Variants in BMPR2 observed in about 807,000 individuals in gnomAD.
BMPR2 encodes bone morphogenetic protein receptor type-2.
In BMPR2, 29 loss-of-function variants were observed where a neutral mutation model predicts 100.8. The ratio of observed to expected loss-of-function variants is 0.29; its 90% CI spans 0.21 to 0.39. BMPR2 has a LOEUF of 0.39. BMPR2 is among the 10% of genes least tolerant of loss of function. The pLI, the probability that BMPR2 is intolerant of heterozygous loss-of-function variation, is 1.00. For missense variants in BMPR2, 1,011 were observed against 1,274.5 expected (o/e 0.79, Z 3.15); for synonymous variants, 382 against 442.3 (o/e 0.86, Z 1.71).
chr2:202,469,475 T>C (rs1441220980), intron 3 of BMPR2: 2 of 308,438 alleles, frequency 6.5e-6, no homozygotes, highest in East Asian at 1.1e-4. Flanking sequence ...ATTTTATTTT[T>C]ATTTTATTTA....
At chr2:202,552,464 C>T (rs896105474) in intron 10 of BMPR2, among the ~76,000 whole-genome samples, 2 of 152,214 alleles carry the variant, frequency 1.3e-5, no homozygotes, top group African/African-American at 4.8e-5. Flanking sequence ...CTTGAAGAAA[C>T]ATCTACGACT....
In BMPR2 at chr2:202,555,570, A is replaced by G. The variant is rs769829997; in HGVS notation, c.1905A>G (p.Pro635=). The G allele has an allele frequency of 1.9e-6, 3 of 1,614,184 alleles. No homozygotes were observed. The highest frequency in any genetic ancestry group is 1.7e-6 in the Non-Finnish European group (2 of 1,180,040). The change falls in exon 12 of 13, where the codon CCA becomes CCG. Residue 635 remains proline, a synonymous_variant. Coordinates refer to ENST00000374580, the MANE Select transcript of BMPR2 (RefSeq NM_001204.7). ...CTACTATATCTGAGATGCCATACCC[A>G]GATGAAACAAATCTGCATACCACAA... is the stretch of plus-strand genomic sequence containing the variant. ...GMTTISEMPY[P]DETNLHTTNV... is the part of the protein sequence containing the mutation.
At chr2:202,476,753 C>T (rs1209499641) in intron 3 of BMPR2, among the ~76,000 whole-genome samples, 1 of 152,128 alleles carries the variant, frequency 6.6e-6, no homozygotes, top group Non-Finnish European at 1.5e-5. Context: ...TGCGCCATTG[C>T]ACTCCAGCCT....
Position 202,552,706 on chromosome 2 carries a change from T to C in BMPR2, c.1414-10T>C, listed in dbSNP as rs374470677. ...AAGACACATGGTTTGACATGTACTT[T>C]GTCTTACAGGCAGTGAGGTCACTCA... On this transcript the variant is annotated splice_polypyrimidine_tract_variant and intron_variant, in intron 10 of 12. Transcript: ENST00000374580. 3 of 1,613,934 alleles carry C rather than the reference T, an allele frequency of 1.9e-6. No homozygotes were observed. In the African/African-American group the frequency reaches 4.0e-5, roughly 22 times the overall value.
Position 202,503,200 on chromosome 2 carries a change from G to A in BMPR2, c.419-10519G>A, listed in dbSNP as rs570281560. Among the ~76,000 whole-genome samples, 1 of 152,344 alleles carries A rather than the reference G, an allele frequency of 6.6e-6. No individual in the cohort carries two copies. The highest frequency in any genetic ancestry group is 2.1e-4 in the South Asian group (1 of 4,822). ...ATTTGGGGTGTCCTGTTTAGAGGGG[G>A]GATTGAGAGGTAACAGCGTGCTGGC... On this transcript the variant is annotated intron_variant, in intron 3 of 12. Transcript: ENST00000374580. This position sits in a 1 kb window ranked among gnomAD's most constrained non-coding sequence, Gnocchi z 4.0.
intron 12 of BMPR2, among the ~76,000 whole-genome samples, chr2:202,558,270 G>A (rs1186075166): frequency 1.3e-5 from 2 of 152,036 alleles, no homozygotes; most frequent in African/African-American, 4.8e-5. Context: ...GTGCCACCAT[G>A]CCCTGCTAAT....
Position 202,555,675 on chromosome 2 carries a change from A to G in BMPR2, c.2010A>G (p.Pro670=). 1 of 1,614,088 alleles carries G rather than the reference A, an allele frequency of 6.2e-7. No individual in the cohort carries two copies. Among genetic ancestry groups the G allele is most frequent in the Non-Finnish European group, 8.5e-7 (1 of 1,180,028 alleles). Residue 670 remains proline, a synonymous_variant, in exon 12 of 13, where the codon CCA becomes CCG. Coordinates refer to ENST00000374580, the MANE Select transcript of BMPR2 (RefSeq NM_001204.7). Reference sequence around the variant, plus strand: ...ACTTGGAAACCAACAAGCTAGACCCAAAAGAAGTTGATAAGAACCTCAAGG... The same window carrying G: ...ACTTGGAAACCAACAAGCTAGACCCGAAAGAAGTTGATAAGAACCTCAAGG... ...EEDLETNKLD[P]KEVDKNLKES...
rs764080362 is a variant in BMPR2, at chr2:202,492,269, A to G, written c.419-21450A>G. Among the ~76,000 whole-genome samples, 6 of 152,102 alleles carry G rather than the reference A, an allele frequency of 3.9e-5. No homozygotes were observed. In the East Asian group the frequency reaches 7.7e-4, roughly 20 times the overall value. On this transcript the variant is annotated intron_variant, in intron 3 of 12. Coordinates refer to ENST00000374580, the MANE Select transcript of BMPR2 (RefSeq NM_001204.7). ...ATTTTGTGGCCTTGGTGCTAGTTAC[A>G]TAAGTGTTTGCTTCATCATGATTCA...
At chr2:202,383,969 T>C (rs1246503482) in intron 1 of BMPR2, among the ~76,000 whole-genome samples, 2 of 151,938 alleles carry the variant, frequency 1.3e-5, no homozygotes, top group East Asian at 3.9e-4. Context: ...GTTAGGAGTT[T>C]GAGACCAGCC....
rs560263533 is a variant in BMPR2, at chr2:202,514,684, T to A, written c.530-204T>A. Among the ~76,000 whole-genome samples the A allele has an allele frequency of 9.2e-5, 14 of 152,344 alleles. 1 individual carries two copies. The South Asian group carries it at 2.9e-3, about 32-fold the overall frequency. ...CATCATGGGAGTGTCTCCCAGAATT[T>A]GGCTTTCATGCTATTCTGCATTCAT... On this transcript the variant is annotated intron_variant, in intron 4 of 12. Coordinates refer to ENST00000374580, the MANE Select transcript of BMPR2 (RefSeq NM_001204.7).
At position 202,555,905 on chromosome 2, in the gene BMPR2, A is replaced by G. The variant is rs1356138826; in HGVS notation, c.2240A>G (p.Lys747Arg). ...VLPTQIYPLP[K>R]QQNLPKRPTS... ...CCTACTCAGATCTATCCTCTCCCCA[A>G]GCAGCAGAACCTTCCCAAGAGACCT... Residue 747 changes from lysine (K) to arginine (R), a missense_variant, in exon 12 of 13, where the codon AAG becomes AGG. Coordinates refer to ENST00000374580, the MANE Select transcript of BMPR2 (RefSeq NM_001204.7). 1.2e-6 allele frequency: 2 copies of G among 1,614,168 alleles called. No homozygotes were observed. The highest frequency in any genetic ancestry group is 1.7e-6 in the Non-Finnish European group (2 of 1,180,038).
At chr2:202,522,348 A>G (rs1403531228) in intron 7 of BMPR2, among the ~76,000 whole-genome samples, 1 of 152,024 alleles carries the variant, frequency 6.6e-6, no homozygotes, top group East Asian at 1.9e-4. Flanking sequence ...TCTACTAAAA[A>G]TACAAAAAAT....
chr2:202,457,619 T>C (rs1574459437), intron 1 of BMPR2, among the ~76,000 whole-genome samples: 1 of 150,170 alleles, frequency 6.7e-6, no homozygotes, highest in East Asian at 2.0e-4. Flanking sequence ...ATTAAAATCT[T>C]TGGAAACCTA....
chr2:202,500,286 A>G (rs190286519), intron 3 of BMPR2, among the ~76,000 whole-genome samples: 9 of 152,166 alleles, frequency 5.9e-5, no homozygotes, highest in Middle Eastern at 3.4e-3. Flanking sequence ...GTAACCAGGT[A>G]TTTCTCCCAC....
chr2:202,465,041 A>G, intron 2 of BMPR2, 62 bp downstream of exon 2: 1 of 1,575,480 alleles, frequency 6.3e-7, no homozygotes, highest in Non-Finnish European at 8.7e-7. Context: ...TTATCTAAAA[A>G]GGACATGGGA....
intron 1 of BMPR2, among the ~76,000 whole-genome samples, chr2:202,456,112 T>G (rs1692096056): frequency 3.5e-5 from 5 of 141,236 alleles, no homozygotes; most frequent in Admixed American, 1.5e-4. Context: ...AGTTAAGTAG[T>G]ATTGCTAATT....
At chr2:202,424,529 C>G (rs1277541646) in intron 1 of BMPR2, among the ~76,000 whole-genome samples, 1 of 151,964 alleles carries the variant, frequency 6.6e-6, no homozygotes, top group African/African-American at 2.4e-5. Flanking sequence ...AACCCCGTCT[C>G]TACTAAAAGT....
In BMPR2 at chr2:202,556,529, A is replaced by G. The variant is rs1241498085; in HGVS notation, c.2864A>G (p.Gln955Arg). 6.2e-7 allele frequency: 1 copy of G among 1,612,024 alleles called. No individual in the cohort carries two copies. Among genetic ancestry groups the G allele is most frequent in the East Asian group, 2.2e-5 (1 of 44,892 alleles). Reference protein sequence around the residue: ...ATNVLDGSSIQIGESTQDGKS... With the variant: ...ATNVLDGSSIRIGESTQDGKS... ...AATGTCCTGGATGGCAGCAGTATACAGAGTAAGTGGAGGGATCATATAATC... is the reference window on the plus strand; with the variant it reads ...AATGTCCTGGATGGCAGCAGTATACGGAGTAAGTGGAGGGATCATATAATC... The change falls in exon 12 of 13, where the codon CAG becomes CGG. Residue 955 changes from glutamine (Q) to arginine (R), a missense_variant and splice_region_variant. By Grantham distance (43) the Gln-to-Arg change is conservative (BLOSUM62 1). This residue lies in a region of BMPR2 where 508 missense variants were observed against 552.0 expected (regional missense o/e 0.92). Coordinates refer to ENST00000374580, the MANE Select transcript of BMPR2 (RefSeq NM_001204.7).
chr2:202,536,998 AGC>A (rs1348091786), intron 9 of BMPR2, among the ~76,000 whole-genome samples: 1 of 152,124 alleles, frequency 6.6e-6, no homozygotes, highest in African/African-American at 2.4e-5. Context: ...CTTGGGCTCA[AGC>A]AGTCCTCCTG....
Sources: gnomAD v4.1 joint callset for allele counts (sites outside exome capture counted in the v4.1 genomes callset) on GRCh38, gnomAD v4.1.1 for gene constraint, gnomAD v4.1.1 regional missense constraint, Gnocchi (gnomAD v3.1) non-coding constraint, MANE v1.5 for transcripts, NCBI Gene and HGNC (gene_info 2026-07-23, HGNC 2026-07-21) for gene names.